The following NPSR1 variants were observed in gnomAD, a reference collection of about 807,000 sequenced individuals.
NPSR1 encodes neuropeptide S receptor 1.
A neutral mutation model predicts 46.9 loss-of-function variants in NPSR1; 48 were observed. That is an observed-to-expected ratio of 1.02 (90% CI 0.81 to 1.30). NPSR1 has a LOEUF of 1.30. Ranked by LOEUF, NPSR1 falls within the 50% of genes most tolerant of loss-of-function variation. The probability of loss-of-function intolerance (pLI) is 0.00; values close to 1 mark genes in which losing one functional copy is unlikely to be tolerated. For missense variants in NPSR1, 450 were observed against 449.5 expected (o/e 1.00, Z -0.01); for synonymous variants, 176 against 168.1 (o/e 1.05, Z -0.36).
In NPSR1 at chr7:34,844,045, G is replaced by A. The variant is rs73693328; in HGVS notation, c.758-851G>A. Among the ~76,000 whole-genome samples, 835 of 152,382 alleles carry A rather than the reference G, an allele frequency of 5.5e-3. 7 individuals carry two copies. The highest frequency in any genetic ancestry group is 0.018 in the African/African-American group (758 of 41,586). ...AAAACTTCACAAAGGTGGCATATGG[G>A]CTGGTGGAAGCCCTGACAGTAGAAA... On this transcript the variant is annotated intron_variant, in intron 6 of 8. Coordinates refer to ENST00000360581, the MANE Select transcript of NPSR1 (RefSeq NM_207172.2).
intron 6 of NPSR1, among the ~76,000 whole-genome samples, chr7:34,842,896 C>A (rs1305580438): frequency 6.6e-6 from 1 of 152,238 alleles, no homozygotes; most frequent in African/African-American, 2.4e-5. Context: ...CTCCTCCACT[C>A]TCCACGCATT....
chr7:34,851,225 A>C (rs1790925424), downstream of NPSR1, among the ~76,000 whole-genome samples: 1 of 151,228 alleles, frequency 6.6e-6, no homozygotes, highest in East Asian at 1.9e-4. Context: ...GGAGTCATTA[A>C]ATTGTTCAGT....
At chr7:34,687,157 C>CTT (rs11298649) in intron 2 of NPSR1, among the ~76,000 whole-genome samples, 4 of 141,508 alleles carry the variant, frequency 2.8e-5, no homozygotes, top group Non-Finnish European at 4.6e-5. Flanking sequence ...AAGTATCAGG[C>CTT]TTTTTTTTTT....
intron 8 of NPSR1, chr7:34,849,332 C>T (rs1427648177): frequency 1.3e-6 from 2 of 1,548,654 alleles, no homozygotes; most frequent in Admixed American, 2.0e-5. Context: ...GGGCTAATAG[C>T]AGTGTCTACC....
chr7:34,700,912 A>G (rs1319869173), intron 2 of NPSR1, among the ~76,000 whole-genome samples: 1 of 152,244 alleles, frequency 6.6e-6, no homozygotes, highest in Non-Finnish European at 1.5e-5. Context: ...TGCTACTGCT[A>G]TAGTTATTTC....
chr7:34,724,813 C>G (rs1326787532), intron 2 of NPSR1, among the ~76,000 whole-genome samples: 2 of 151,932 alleles, frequency 1.3e-5, no homozygotes, highest in African/African-American at 2.4e-5. Flanking sequence ...CAGTAGGTGA[C>G]CAATAAATGG....
At chr7:34,735,189 A>G (rs1057182221) in intron 2 of NPSR1, among the ~76,000 whole-genome samples, 1 of 152,220 alleles carries the variant, frequency 6.6e-6, no homozygotes, top group Non-Finnish European at 1.5e-5. Flanking sequence ...AAAACAACAG[A>G]TGATGACTAA....
chr7:34,670,772 T>C (rs1235443483), intron 1 of NPSR1, among the ~76,000 whole-genome samples: 1 of 151,984 alleles, frequency 6.6e-6, no homozygotes, highest in African/African-American at 2.4e-5. Flanking sequence ...ATATTGTTTA[T>C]TAGTGGTCTG....
chr7:34,662,030 C>G (rs1234554925), intron 1 of NPSR1, among the ~76,000 whole-genome samples: 1 of 152,148 alleles, frequency 6.6e-6, no homozygotes, highest in Non-Finnish European at 1.5e-5. Context: ...TCCTGAATCT[C>G]TGATACTTAA....
At chr7:34,670,892 T>A (rs1792017142) in intron 1 of NPSR1, among the ~76,000 whole-genome samples, 1 of 151,994 alleles carries the variant, frequency 6.6e-6, no homozygotes, top group South Asian at 2.1e-4. Flanking sequence ...TGTGGGAGAG[T>A]AAATCAGAAC....
chr7:34,701,629 G>A (rs538212184), intron 2 of NPSR1, among the ~76,000 whole-genome samples: 1 of 152,308 alleles, frequency 6.6e-6, no homozygotes, highest in East Asian at 1.9e-4. Context: ...GAACCTAGGA[G>A]AGTACAGGGA....
intron 1 of NPSR1, among the ~76,000 whole-genome samples, chr7:34,676,857 T>C (rs906665132): frequency 3.9e-5 from 6 of 152,148 alleles, no homozygotes; most frequent in African/African-American, 1.4e-4. Flanking sequence ...GGTGAGATTA[T>C]CTTCCAACAG....
intron 2 of NPSR1, among the ~76,000 whole-genome samples, chr7:34,726,104 A>G (rs1023682545): frequency 6.6e-6 from 1 of 152,216 alleles, no homozygotes; most frequent in African/African-American, 2.4e-5. Flanking sequence ...TATTAGCAGC[A>G]TGAGAACAGA....
intron 7 of NPSR1, among the ~76,000 whole-genome samples, chr7:34,847,401 TGAGA>T (rs34726687): frequency 6.8e-5 from 10 of 146,584 alleles, no homozygotes; most frequent in Non-Finnish European, 1.4e-4. Context: ...CAGAGGAAAA[TGAGA>T]GAGAGAGAGA....
intron 3 of NPSR1, among the ~76,000 whole-genome samples, chr7:34,804,733 A>C (rs988598759): frequency 6.6e-6 from 1 of 151,966 alleles, no homozygotes; most frequent in Admixed American, 6.6e-5. Flanking sequence ...TGAAATAAAA[A>C]TGTCTTTGTT....
At chr7:34,844,458 G>GTT (rs544288242) in intron 6 of NPSR1, among the ~76,000 whole-genome samples, 1 of 147,112 alleles carries the variant, frequency 6.8e-6, no homozygotes, top group African/African-American at 2.5e-5. Flanking sequence ...TTGTTTTTTT[G>GTT]TTTTTTTTTT....
chr7:34,751,655 C>T, intron 2 of NPSR1: 5 of 1,595,288 alleles, frequency 3.1e-6, no homozygotes, highest in Non-Finnish European at 4.3e-6. Flanking sequence ...TGCTGCAGAG[C>T]CACATCCCCA....
At chr7:34,669,205 C>T (rs1184276453) in intron 1 of NPSR1, among the ~76,000 whole-genome samples, 1 of 152,128 alleles carries the variant, frequency 6.6e-6, no homozygotes, top group African/African-American at 2.4e-5. Flanking sequence ...TTTGGAAGCA[C>T]CACATATTAT....
rs548663617 is a variant in NPSR1 at position 34,855,286 on chromosome 7, A to C, written c.1025+6623A>C. Among the ~76,000 whole-genome samples, 3 of 152,180 alleles carry C rather than the reference A, an allele frequency of 2.0e-5. No individual in the cohort carries two copies. In the South Asian group the frequency reaches 6.2e-4, roughly 32 times the overall value. ...AAAATTAATGAAATAAGAAACAAAC[A>C]TAATAAAAAGCCTCAACAAAGATCA... On this transcript the variant is annotated intron_variant, in intron 8 of 8. Transcript: ENST00000359791.
Sources: allele counts gnomAD v4.1 joint callset (sites outside exome capture counted in the v4.1 genomes callset), GRCh38; gene constraint gnomAD v4.1.1; transcripts MANE v1.5; gene names NCBI Gene and HGNC (gene_info 2026-07-23, HGNC 2026-07-21).